ACTA2: variants seen among roughly 807,000 people sequenced by gnomAD.
The protein encoded by ACTA2 is actin alpha 2, smooth muscle.
A neutral mutation model predicts 39.5 loss-of-function variants in ACTA2; 12 were observed. That is an observed-to-expected ratio of 0.30 (90% CI 0.19 to 0.49). The LOEUF (loss-of-function observed/expected upper bound fraction) is 0.49. Among genes scored for constraint, ACTA2 ranks in the 20% least tolerant of loss-of-function variants. ACTA2 has a pLI of 0.99. For synonymous variants in ACTA2, 158 were observed against 180.6 expected, an observed-to-expected ratio of 0.88 and a Z score of 1.00; for missense variants, 236 against 498.8, an observed-to-expected ratio of 0.47 and a Z score of 5.02.
chr10:88,978,699 G>A (rs538325038), intron 1 of ACTA2, among the ~76,000 whole-genome samples: 152 of 152,264 alleles, frequency 1.0e-3, no homozygotes, highest in African/African-American at 3.6e-3. Context: ...CTACTTCAGG[G>A]AACTGAAGAT....
Position 88,935,341 on chromosome 10 carries a change from T to A in ACTA2, c.1016A>T (p.Tyr339Phe). The change falls in exon 9 of 9, where the codon TAC (tyrosine) becomes TTC (phenylalanine). Residue 339 changes from tyrosine (Y) to phenylalanine (F), a missense_variant. Transcript: ENST00000224784. The stretch of plus-strand genomic sequence containing the variant: ...GATGGAGCCACCGATCCAGACAGAG[T>A]ATTTGCGCTCCGGAGGGGCAATGAT... ...IKIIAPPERK[Y>F]SVWIGGSILA... 6.2e-7 allele frequency: 1 copy of A among 1,613,844 alleles called. No individual in the cohort carries two copies.
At chr10:88,971,668 T>TAGC (rs1270075143) in intron 1 of ACTA2, among the ~76,000 whole-genome samples, 2 of 152,226 alleles carry the variant, frequency 1.3e-5, no homozygotes, top group East Asian at 3.8e-4. Flanking sequence ...TATCTTTTTG[T>TAGC]AACTAATAGG....
At chr10:88,977,542 A>G (rs1846596167) in intron 1 of ACTA2, among the ~76,000 whole-genome samples, 1 of 152,232 alleles carries the variant, frequency 6.6e-6, no homozygotes, top group African/African-American at 2.4e-5. Flanking sequence ...GAACTCAAAC[A>G]AATTTACAAG....
chr10:88,949,891 A>T (rs1846019613), intron 1 of ACTA2, among the ~76,000 whole-genome samples: 1 of 152,016 alleles, frequency 6.6e-6, no homozygotes, highest in Non-Finnish European at 1.5e-5. Context: ...GTTCTGTCAT[A>T]TTTTTTTAAT....
At chr10:88,951,029 A>G (rs1346299402) in intron 1 of ACTA2, among the ~76,000 whole-genome samples, 1 of 152,112 alleles carries the variant, frequency 6.6e-6, no homozygotes, top group Non-Finnish European at 1.5e-5. Context: ...TGTGGATTCC[A>G]CTTGCAAGAA....
At chr10:88,941,191 A>G (rs1373175483) in intron 6 of ACTA2, 38 bp downstream of exon 6, 3 of 1,612,468 alleles carry the variant, frequency 1.9e-6, no homozygotes, top group Non-Finnish European at 2.5e-6. Flanking sequence ...TGAGCAACAC[A>G]CTGCTCCCCT....
intron 1 of ACTA2, among the ~76,000 whole-genome samples, chr10:88,975,919 G>A (rs552612805): frequency 6.6e-6 from 1 of 152,200 alleles, no homozygotes; most frequent in African/African-American, 2.4e-5. Context: ...GAGATTAATA[G>A]AAGCCAAATT....
At chr10:88,965,597 C>A (rs1264810983) in intron 1 of ACTA2, among the ~76,000 whole-genome samples, 1 of 152,122 alleles carries the variant, frequency 6.6e-6, no homozygotes, top group Non-Finnish European at 1.5e-5. Context: ...CCACCAAAAG[C>A]CAATGCACAG....
intron 7 of ACTA2, 122 bp downstream of exon 7, chr10:88,939,385 T>C: frequency 3.8e-6 from 5 of 1,325,718 alleles, no homozygotes; most frequent in Non-Finnish European, 5.4e-6. Flanking sequence ...TTTCCCTTTT[T>C]CTGGTTTAGA....
In ACTA2 at chr10:88,986,348, G is replaced by T. The variant is rs113097831; in HGVS notation, c.-24+4591C>A. Among the ~76,000 whole-genome samples the T allele has an allele frequency of 2.0e-3, 305 of 152,238 alleles. 2 individuals carry two copies. The highest frequency in any genetic ancestry group is 6.5e-3 in the African/African-American group (271 of 41,530). On this transcript the variant is annotated intron_variant, in intron 1 of 4. Transcript: ENST00000415557. The stretch of plus-strand genomic sequence containing the variant: ...CATATGCAAAAATGTCAGGGGAGGG[G>T]TACTCAATTGGATTAAGAAGCCAGG...
chr10:88,972,854 G>GT (rs1846480635), intron 1 of ACTA2, among the ~76,000 whole-genome samples: 2 of 152,104 alleles, frequency 1.3e-5, no homozygotes, highest in African/African-American at 4.8e-5. Flanking sequence ...GTTTCTGATT[G>GT]TTTTTCCAGT....
At chr10:88,939,351 C>G (rs148832568) in intron 7 of ACTA2, 156 bp downstream of exon 7, 1 of 966,974 alleles carries the variant, frequency 1.0e-6, no homozygotes, top group East Asian at 2.4e-5. Flanking sequence ...CTCATTATGT[C>G]TTCTCGCCTT....
At chr10:88,957,034 G>T (rs747264921), upstream of ACTA2, among the ~76,000 whole-genome samples, 1 of 152,152 alleles carries the variant, frequency 6.6e-6, no homozygotes, top group Non-Finnish European at 1.5e-5. Context: ...TGTTGCCCTA[G>T]GGTTTAAGTT....
At chr10:88,936,624 G>A (rs1175761784) in intron 8 of ACTA2, among the ~76,000 whole-genome samples, 1 of 143,824 alleles carries the variant, frequency 7.0e-6, no homozygotes, top group South Asian at 2.1e-4. Context: ...CCCCTGCTTC[G>A]CCTTCCACCA....
chr10:88,944,614 C>T (rs1461780188), intron 3 of ACTA2, among the ~76,000 whole-genome samples: 5 of 152,174 alleles, frequency 3.3e-5, no homozygotes, highest in Non-Finnish European at 5.9e-5. Flanking sequence ...TCTTTGCTCT[C>T]GAGGGATGAG....
intron 1 of ACTA2, among the ~76,000 whole-genome samples, chr10:88,961,718 C>G (rs2133299412): frequency 6.6e-6 from 1 of 152,308 alleles, no homozygotes; most frequent in Admixed American, 6.5e-5. Context: ...AAAATGAAGA[C>G]TTTGTGCTAA....
rs117424545 is a variant in ACTA2 at position 88,948,631 on chromosome 10, C to A, written c.129+171G>T. On this transcript the variant is annotated intron_variant, in intron 2 of 8. Transcript: ENST00000224784. ...GATAGATGCCCATCAGATAATCTGT[C>A]TACATTATATGTGAAATTGGCATTT... is the stretch of plus-strand genomic sequence containing the variant. 5.8e-3 allele frequency: 4,864 copies of A among 835,434 alleles called. 36 individuals carry two copies. The highest frequency in any genetic ancestry group is 8.1e-3 in the Non-Finnish European group (4,170 of 513,400). The allele number at this position is 835,434 out of a possible 1,614,324, so 51.8% of individuals were successfully genotyped here.
intron 1 of ACTA2, among the ~76,000 whole-genome samples, chr10:88,963,253 A>G (rs1330910358): frequency 6.6e-6 from 1 of 151,926 alleles, no homozygotes; most frequent in Non-Finnish European, 1.5e-5. Flanking sequence ...TTTGAGCAGC[A>G]TAGGTTTGGA....
Position 88,990,479 on chromosome 10 carries a change from C to T in ACTA2, c.-24+460G>A, listed in dbSNP as rs5030765. The T allele has an allele frequency of 3.2e-4, 176 of 549,784 alleles. No individual in the cohort carries two copies. The highest frequency in any genetic ancestry group is 5.6e-4 in the Non-Finnish European group (161 of 288,584). 34.1% of individuals were successfully genotyped at this position (549,784 alleles called of 1,614,324 possible). A position where few individuals can be genotyped will look rare whatever the true frequency, so the allele number is the denominator to read the frequency against. On this transcript the variant is annotated intron_variant, in intron 1 of 4. Transcript: ENST00000415557. The surrounding 1 kb of genome is among the most constrained non-coding windows in gnomAD (Gnocchi z 4.9). ...GCAGGAACGCCCCGGGACAGGAATG[C>T]CCATTTGTGCAACGAACCCTGACTC...
Sources: gnomAD v4.1 joint callset for allele counts (sites outside exome capture counted in the v4.1 genomes callset) on GRCh38, gnomAD v4.1.1 for gene constraint, Gnocchi (gnomAD v3.1) non-coding constraint, MANE v1.5 for transcripts, NCBI Gene and HGNC (gene_info 2026-07-23, HGNC 2026-07-21) for gene names.